The following APBB2 variants were observed in gnomAD, a reference collection of about 807,000 sequenced individuals.
APBB2 encodes the protein amyloid beta precursor protein binding family B member 2, also known as Fe65-like 1.
In APBB2, 38 loss-of-function variants were observed where a neutral mutation model predicts 82.5. That is an observed-to-expected ratio of 0.46 (90% CI 0.36 to 0.60). The LOEUF (loss-of-function observed/expected upper bound fraction) is 0.60. APBB2 is among the 20% of genes least tolerant of loss of function. The probability of loss-of-function intolerance (pLI) is 0.00; values close to 1 mark genes in which losing one functional copy is unlikely to be tolerated. For missense variants in APBB2, 772 were observed against 972.3 expected, an observed-to-expected ratio of 0.79 and a Z score of 2.74; for synonymous variants, 341 against 368.2, an observed-to-expected ratio of 0.93 and a Z score of 0.85.
chr4:41,212,958 T>G (rs1262930093), intron 1 of APBB2, among the ~76,000 whole-genome samples: 1 of 152,130 alleles, frequency 6.6e-6, no homozygotes, highest in African/African-American at 2.4e-5. Context: ...GGTTGCTACC[T>G]AAGTTCATGA....
chr4:41,085,108 G>A (rs1739147189), intron 3 of APBB2, among the ~76,000 whole-genome samples: 1 of 152,010 alleles, frequency 6.6e-6, no homozygotes, highest in Admixed American at 6.6e-5. Flanking sequence ...AAAATTAGCT[G>A]GGCGTGGTGA....
At chr4:41,032,782 T>TC (rs909062897) in intron 5 of APBB2, among the ~76,000 whole-genome samples, 4 of 70,466 alleles carry the variant, frequency 5.7e-5, no homozygotes, top group African/African-American at 2.3e-4. Context: ...TTCTTTCTTT[T>TC]TTTTTTTTTT....
chr4:41,071,526 C>T (rs1214554871), intron 3 of APBB2, among the ~76,000 whole-genome samples: 1 of 151,970 alleles, frequency 6.6e-6, no homozygotes, highest in African/African-American at 2.4e-5. Context: ...ACTAAAAATA[C>T]AAAAATTAGC....
intron 6 of APBB2, among the ~76,000 whole-genome samples, chr4:40,997,987 C>T (rs543149031): frequency 1.3e-5 from 2 of 152,256 alleles, no homozygotes; most frequent in African/African-American, 4.8e-5. Flanking sequence ...ACCTCATTTA[C>T]GTGAAAGAAC....
intron 12 of APBB2, chr4:40,857,063 C>A: frequency 1.0e-6 from 1 of 985,582 alleles, no homozygotes; most frequent in Non-Finnish European, 1.2e-6. Context: ...GGCGGGGATG[C>A]CGCCCCAGGT....
chr4:40,893,487 C>G lies in APBB2; in HGVS notation c.1255-76G>C, dbSNP rs114292299. Reference sequence around the variant, plus strand: ...ATATCAGTTTACACTACTCCCCTCCCGCAACTAAAAGGTACTACACTTAAT... The same window carrying G: ...ATATCAGTTTACACTACTCCCCTCCGGCAACTAAAAGGTACTACACTTAAT... On this transcript the variant is annotated intron_variant, in intron 10 of 17. Transcript: ENST00000508593. 1,937 of 1,397,018 alleles carry G rather than the reference C, an allele frequency of 1.4e-3. 29 individuals are homozygous for G. In the African/African-American group the frequency reaches 0.026, roughly 19 times the overall value. The allele number at this position is 1,397,018 out of a possible 1,614,324, so 86.5% of individuals were successfully genotyped here. A position where few individuals can be genotyped will look rare whatever the true frequency, so the allele number is the denominator to read the frequency against.
chr4:40,856,179 G>C (rs1405703876), intron 12 of APBB2, among the ~76,000 whole-genome samples: 1 of 152,168 alleles, frequency 6.6e-6, no homozygotes, highest in Non-Finnish European at 1.5e-5. Context: ...GTTATAAAAA[G>C]AAAGAAAAAG....
At chr4:40,939,445 G>C (rs1450973447) in intron 7 of APBB2, among the ~76,000 whole-genome samples, 2 of 152,064 alleles carry the variant, frequency 1.3e-5, no homozygotes, top group Non-Finnish European at 1.5e-5. Flanking sequence ...GCAGTTTGGG[G>C]AATACAAAGG....
At chr4:41,050,440 G>A (rs1466756500) in intron 4 of APBB2, among the ~76,000 whole-genome samples, 2 of 152,226 alleles carry the variant, frequency 1.3e-5, no homozygotes, top group Non-Finnish European at 2.9e-5. Flanking sequence ...GGTGACTGAA[G>A]TAGGATTCAA....
chr4:41,097,738 A>T (rs1321096196), intron 3 of APBB2, among the ~76,000 whole-genome samples: 3 of 152,174 alleles, frequency 2.0e-5, no homozygotes, highest in Non-Finnish European at 4.4e-5. Flanking sequence ...GTTTCCAAAA[A>T]TCTACCTCAA....
intron 10 of APBB2, among the ~76,000 whole-genome samples, chr4:40,920,518 C>G (rs1780990011): frequency 1.3e-5 from 2 of 152,140 alleles, no homozygotes; most frequent in African/African-American, 4.8e-5. Flanking sequence ...GAACAGAACT[C>G]CCACCACAAC....
chr4:41,113,523 A>T (rs760758837), intron 2 of APBB2, among the ~76,000 whole-genome samples: 2 of 152,182 alleles, frequency 1.3e-5, no homozygotes, highest in Admixed American at 6.5e-5. Flanking sequence ...AGAGTATTCA[A>T]ATAAAAAGAG....
chr4:40,886,517 C>T (rs1770341950), intron 12 of APBB2, among the ~76,000 whole-genome samples: 1 of 151,972 alleles, frequency 6.6e-6, no homozygotes, highest in Admixed American at 6.6e-5. Flanking sequence ...ATTATGTTTG[C>T]TTGGCTTTGG....
chr4:41,213,939 C>G (rs1245715053), intron 1 of APBB2, among the ~76,000 whole-genome samples: 1 of 152,212 alleles, frequency 6.6e-6, no homozygotes, highest in East Asian at 1.9e-4. Context: ...CAGCGGAGGC[C>G]GGTGCCAGGA....
chr4:41,051,660 T>C (rs764067334), intron 4 of APBB2, among the ~76,000 whole-genome samples: 3 of 152,196 alleles, frequency 2.0e-5, no homozygotes, highest in Non-Finnish European at 4.4e-5. Flanking sequence ...CAGGCTCTTA[T>C]TAACCGTCCC....
At chr4:40,917,407 G>A (rs1780121931) in intron 10 of APBB2, among the ~76,000 whole-genome samples, 1 of 152,060 alleles carries the variant, frequency 6.6e-6, no homozygotes, top group African/African-American at 2.4e-5. Flanking sequence ...GGGGTCCTCT[G>A]TCCACAGTAC....
At chr4:41,129,476 A>G (rs1041590106) in intron 2 of APBB2, among the ~76,000 whole-genome samples, 5 of 152,208 alleles carry the variant, frequency 3.3e-5, no homozygotes, top group African/African-American at 1.2e-4. Flanking sequence ...TTGGCTGAAA[A>G]GGGAAGAATT....
At position 41,027,146 on chromosome 4, in the gene APBB2, T is replaced by A. The variant is rs190142305; in HGVS notation, c.19+6090A>T. Among the ~76,000 whole-genome samples, 399 of 152,184 alleles carry A rather than the reference T, an allele frequency of 2.6e-3. 1 individual carries two copies. The highest frequency in any genetic ancestry group is 8.8e-3 in the African/African-American group (365 of 41,530). ...CAGACTGAGCTCCTATCTTCTCAGC[T>A]GCAGCACCCGATTAAAGCCTTCTTC... On this transcript the variant is annotated intron_variant, in intron 5 of 17. Transcript: ENST00000508593.
chr4:40,856,850 G>T, intron 12 of APBB2: 1 of 759,278 alleles, frequency 1.3e-6, no homozygotes, highest in Non-Finnish European at 1.6e-6. Flanking sequence ...CCTTCCAGCC[G>T]TCCAGGACCA....
Sources: gnomAD v4.1 joint callset for allele counts (sites outside exome capture counted in the v4.1 genomes callset) on GRCh38, gnomAD v4.1.1 for gene constraint, MANE v1.5 for transcripts, NCBI Gene and HGNC (gene_info 2026-07-23, HGNC 2026-07-21) for gene names.